The following CCDC57 variants were observed in gnomAD, a reference collection of about 807,000 sequenced individuals.
CCDC57 encodes the protein coiled-coil domain-containing protein 57.
CCDC57 carries 118 observed loss-of-function variants against 118.9 expected under a neutral mutation model. That is an observed-to-expected ratio of 0.99 (90% CI 0.86 to 1.16). The LOEUF (loss-of-function observed/expected upper bound fraction) is 1.16. Among genes scored for constraint, CCDC57 ranks in the 50% most tolerant of loss-of-function variants. The pLI is 0.00. For missense variants in CCDC57, 1,300 were observed against 1,320.7 expected (o/e 0.98, Z 0.24); for synonymous variants, 527 against 532.9 (o/e 0.99, Z 0.15).
At chr17:82,110,887 T>C (rs993968663) in intron 19 of CCDC57, among the ~76,000 whole-genome samples, 2 of 151,136 alleles carry the variant, frequency 1.3e-5, no homozygotes, top group African/African-American at 4.9e-5. Context: ...TATCTGGGCA[T>C]GGTGGCACAT....
chr17:82,199,945 C>T (rs1344437188), intron 3 of CCDC57, among the ~76,000 whole-genome samples: 1 of 152,204 alleles, frequency 6.6e-6, no homozygotes, highest in African/African-American at 2.4e-5. Flanking sequence ...AGAGAGGGAC[C>T]ATCAACACTG....
chr17:82,182,398 G>A (rs1398483716), intron 9 of CCDC57, among the ~76,000 whole-genome samples: 1 of 150,886 alleles, frequency 6.6e-6, no homozygotes, highest in East Asian at 1.9e-4. Context: ...CTGTTGCCCA[G>A]GCTGAAGTGC....
intron 17 of CCDC57, among the ~76,000 whole-genome samples, chr17:82,133,610 C>T (rs1174778102): frequency 1.3e-5 from 2 of 151,750 alleles, no homozygotes; most frequent in Non-Finnish European, 2.9e-5. Context: ...CCTGTAATCC[C>T]AGCACTTTGG....
intron 16 of CCDC57, among the ~76,000 whole-genome samples, chr17:82,139,948 A>C (rs2039797794): frequency 6.6e-6 from 1 of 152,176 alleles, no homozygotes; most frequent in Admixed American, 6.5e-5. Flanking sequence ...AATACGGCTG[A>C]TGTTTTTTTA....
intron 1 of CCDC57, chr17:82,208,164 C>A (rs747911782): frequency 4.6e-5 from 7 of 152,026 alleles, no homozygotes; most frequent in Non-Finnish European, 1.0e-4. Context: ...CCTGCCTCGG[C>A]CTCCCAAAGG....
chr17:82,103,957 C>T (rs2034657467), intron 19 of CCDC57, among the ~76,000 whole-genome samples: 1 of 152,168 alleles, frequency 6.6e-6, no homozygotes, highest in African/African-American at 2.4e-5. Context: ...GAGCCCTCCT[C>T]AGTGATGGTG....
intron 7 of CCDC57, 122 bp from the exon 7 acceptor site, chr17:82,188,541 G>C (rs1484149957): frequency 3.8e-6 from 4 of 1,043,836 alleles, no homozygotes; most frequent in East Asian, 2.7e-5. Flanking sequence ...CTGCCTCAAG[G>C]CTTCGCAGCA....
chr17:82,157,866 T>C, exon 15 of CCDC57: 1 of 1,584,774 alleles, frequency 6.3e-7, no homozygotes. Flanking sequence ...CTTCCGCAGC[T>C]CCAAAACCTC....
intron 17 of CCDC57, among the ~76,000 whole-genome samples, chr17:82,130,218 C>G (rs9889637): frequency 0.47 from 70,681 of 151,462 alleles, 17,280 homozygotes; most frequent in East Asian, 0.88. Context: ...TTTTGAGACA[C>G]AGTCTTGCTC....
chr17:82,127,917 G>T lies in CCDC57; in HGVS notation c.2683-9C>A. 6.2e-7 allele frequency: 1 copy of T among 1,610,934 alleles called. No homozygotes were observed. The highest frequency in any genetic ancestry group is 1.1e-5 in the South Asian group (1 of 90,698). On this transcript the variant is annotated splice_polypyrimidine_tract_variant and intron_variant, in intron 18 of 19. Coordinates refer to ENST00000665763, the Ensembl canonical transcript of CCDC57. ...TGGATGCTGTGTTGTGTCTAGAAAA[G>T]ACATCATCGTCTTGAAAGCCACCCT... is the stretch of plus-strand genomic sequence containing the variant.
chr17:82,151,800 C>A, intron 15 of CCDC57, 27 bp from the exon 15 acceptor site: 1 of 1,535,768 alleles, frequency 6.5e-7, no homozygotes, highest in Non-Finnish European at 8.8e-7. Context: ...AGGCAGACAC[C>A]CCTGTGAGGC....
intron 4 of CCDC57, among the ~76,000 whole-genome samples, chr17:82,197,365 G>T (rs1238799584): frequency 6.6e-6 from 1 of 152,228 alleles, no homozygotes; most frequent in Non-Finnish European, 1.5e-5. Flanking sequence ...TCTGACTGTG[G>T]TCTCTAGATA....
Position 82,167,805 on chromosome 17 carries a change from G to A in CCDC57, c.1882+3896C>T, listed in dbSNP as rs142753376. Among the ~76,000 whole-genome samples the A allele has an allele frequency of 7.2e-3, 1,102 of 152,280 alleles. 10 individuals carry two copies. The highest frequency in any genetic ancestry group is 0.025 in the African/African-American group (1,056 of 41,560). ...TAATTTTTGTATTTTTAGTAGATAC[G>A]GGGTTTCGCCATGTTGGCCAGGCTG... On this transcript the variant is annotated intron_variant, in intron 13 of 19. Coordinates refer to ENST00000665763, the Ensembl canonical transcript of CCDC57.
At chr17:82,197,536 C>T (rs4132775) in intron 4 of CCDC57, among the ~76,000 whole-genome samples, 74,621 of 152,110 alleles carry the variant, frequency 0.49, 19,117 homozygotes, top group East Asian at 0.88. Context: ...AATTCTTTTC[C>T]ATAGTAAATA....
Position 82,178,402 on chromosome 17 carries a change from T to C in CCDC57, c.1506+72A>G, listed in dbSNP as rs1468516355. 2.7e-6 allele frequency: 4 copies of C among 1,501,162 alleles called. No individual in the cohort carries two copies. In the Admixed American group the frequency reaches 9.0e-5, roughly 34 times the overall value. 93.0% of individuals were successfully genotyped at this position (1,501,162 alleles called of 1,614,324 possible). On this transcript the variant is annotated intron_variant, in intron 11 of 19. Transcript: ENST00000665763. The stretch of plus-strand genomic sequence containing the variant: ...GACTTAGCTCCAGTCTTGGTAGGAT[T>C]TGGGGATCTGGTCCTATTTTCCCAC...
chr17:82,104,573 C>T (rs1022021026), intron 19 of CCDC57, among the ~76,000 whole-genome samples: 1 of 152,222 alleles, frequency 6.6e-6, no homozygotes, highest in Non-Finnish European at 1.5e-5. Context: ...GAGTCTCACT[C>T]TGTCGCCCAG....
chr17:82,184,128 C>T (rs533654238), intron 8 of CCDC57, among the ~76,000 whole-genome samples, 196 bp from the exon 8 acceptor site: 38 of 150,070 alleles, frequency 2.5e-4, no homozygotes, highest in South Asian at 8.5e-4. Flanking sequence ...AAGATGGTTC[C>T]GCACAGGAAG....
rs2044865368 is a variant in CCDC57 at position 82,172,427 on chromosome 17, A to C, written c.1729+211T>G. On this transcript the variant is annotated intron_variant, in intron 12 of 19. Coordinates refer to ENST00000665763, the Ensembl canonical transcript of CCDC57. The surrounding 1 kb of genome is among the most constrained non-coding windows in gnomAD (Gnocchi z 5.2). ...CCCTCATTTTTTCCTTCCACTTTAC[A>C]AATATAAAAGCTTTTTGGTATAAAA... 6.6e-6 allele frequency among the ~76,000 whole-genome samples: 1 copy of C among 152,220 alleles called. No homozygotes were observed. Among genetic ancestry groups the C allele is most frequent in the African/African-American group, 2.4e-5 (1 of 41,458 alleles).
intron 12 of CCDC57, 81 bp from the exon 12 acceptor site, chr17:82,171,934 GC>G: frequency 6.8e-7 from 1 of 1,470,868 alleles, no homozygotes; most frequent in Non-Finnish European, 9.3e-7. Flanking sequence ...AGCTCAGGGA[GC>G]CGATGCCAGC....
Sources: allele counts gnomAD v4.1 joint callset (sites outside exome capture counted in the v4.1 genomes callset), GRCh38; gene constraint gnomAD v4.1.1; non-coding constraint Gnocchi (gnomAD v3.1); transcripts MANE v1.5; gene names NCBI Gene and HGNC (gene_info 2026-07-23, HGNC 2026-07-21).